DPYSL2: variants seen among roughly 807,000 people sequenced by gnomAD.
DPYSL2 encodes dihydropyrimidinase like 2, also known as dihydropyrimidinase-related protein 2.
A neutral mutation model predicts 69.9 loss-of-function variants in DPYSL2; 13 were observed. The ratio of observed to expected loss-of-function variants is 0.19; its 90% CI spans 0.12 to 0.30. The LOEUF (loss-of-function observed/expected upper bound fraction) is 0.30, where lower values mean the gene tolerates loss of function less well. DPYSL2 is among the 10% of genes least tolerant of loss of function. The pLI is 1.00. For missense variants in DPYSL2, 587 were observed against 918.9 expected (o/e 0.64, Z 4.67); for synonymous variants, 326 against 359.1 (o/e 0.91, Z 1.04).
At chr8:26,595,573 C>T (rs577892422) in intron 3 of DPYSL2, among the ~76,000 whole-genome samples, 9 of 152,304 alleles carry the variant, frequency 5.9e-5, no homozygotes, top group Admixed American at 2.0e-4. Flanking sequence ...TTGCATTCCT[C>T]GCTGAACCAG....
intron 1 of DPYSL2, among the ~76,000 whole-genome samples, chr8:26,524,230 T>C (rs1043947657): frequency 6.6e-6 from 1 of 152,152 alleles, no homozygotes; most frequent in African/African-American, 2.4e-5. Flanking sequence ...ATCATCCTAC[T>C]GAATGGGAGA....
At chr8:26,622,090 T>TTTCCTTCCTTCCTTCCTTCCTTCC (rs59707085) in intron 3 of DPYSL2, among the ~76,000 whole-genome samples, 1 of 64,374 alleles carries the variant, frequency 1.6e-5, no homozygotes, top group African/African-American at 6.0e-5. Flanking sequence ...TCTTTCTTTC[T>TTTCCTTCCTTCCTTCCTTCCTTCC]TTCCTTCCTT....
rs1286660782 is a variant in DPYSL2 at position 26,606,982 on chromosome 8, A to G, written c.629-17161A>G. Among the ~76,000 whole-genome samples, 6 of 152,240 alleles carry G rather than the reference A, an allele frequency of 3.9e-5. No homozygotes were observed. In the East Asian group the frequency reaches 1.2e-3, roughly 29 times the overall value. ...CTTTCTGGAGGGTAATAAGACAGAC[A>G]GTATCTAACAAGAGCTGTAAAAATG... On this transcript the variant is annotated intron_variant, in intron 3 of 13. Transcript: ENST00000521913.
chr8:26,531,614 G>A (rs1800512296), intron 1 of DPYSL2, among the ~76,000 whole-genome samples: 1 of 152,142 alleles, frequency 6.6e-6, no homozygotes, highest in Admixed American at 6.5e-5. Context: ...CAAATAGACA[G>A]AACCTCTGTT....
At chr8:26,578,518 A>C (rs74917054) in intron 1 of DPYSL2, 3 of 1,422,248 alleles carry the variant, frequency 2.1e-6, no homozygotes, top group South Asian at 3.1e-5. Flanking sequence ...GCGCGAGTGC[A>C]CGAAGGTAGC....
At chr8:26,527,230 CT>C (rs1554531711) in intron 1 of DPYSL2, among the ~76,000 whole-genome samples, 3 of 152,124 alleles carry the variant, frequency 2.0e-5, no homozygotes, top group Non-Finnish European at 2.9e-5. Context: ...CTTGGTGACT[CT>C]TTTTGTTTCT....
intron 1 of DPYSL2, among the ~76,000 whole-genome samples, chr8:26,569,201 A>T (rs948035499): frequency 1.3e-5 from 2 of 152,030 alleles, no homozygotes; most frequent in African/African-American, 4.8e-5. Context: ...CACAAAAGAT[A>T]AAAAGACTTA....
At position 26,549,901 on chromosome 8, in the gene DPYSL2, G is replaced by A. The variant is rs912327968; in HGVS notation, c.355-32068G>A. ...GAATTTGTCACTGGTGACATTGCAA[G>A]AAATGTTAAAAAAAAAATCTTCAGA... On this transcript the variant is annotated intron_variant, in intron 1 of 13. Coordinates refer to ENST00000521913, the MANE Select transcript of DPYSL2 (RefSeq NM_001197293.3). Among the ~76,000 whole-genome samples the A allele has an allele frequency of 9.9e-5, 15 of 151,684 alleles. No homozygotes were observed. In the East Asian group the frequency reaches 2.7e-3, roughly 27 times the overall value.
Position 26,587,361 on chromosome 8 carries a change from A to G in DPYSL2, c.628+3378A>G, listed in dbSNP as rs376954. Among the ~76,000 whole-genome samples, 76,690 of 151,380 alleles carry G rather than the reference A, an allele frequency of 0.51. 20,340 individuals carry two copies. Among genetic ancestry groups the G allele is most frequent in the African/African-American group, 0.67 (27,487 of 41,226 alleles). ...TCCCTCTTCCTCCCAACTCCCCGCC[A>G]CCCCGCCCCTGGGCACTCCACCCTC... is the stretch of plus-strand genomic sequence containing the variant. On this transcript the variant is annotated intron_variant, in intron 3 of 13. Transcript: ENST00000521913. The surrounding 1 kb of genome is among the most constrained non-coding windows in gnomAD (Gnocchi z 4.2).
chr8:26,530,520 G>A (rs529102411), intron 1 of DPYSL2, among the ~76,000 whole-genome samples: 46 of 152,362 alleles, frequency 3.0e-4, no homozygotes, highest in African/African-American at 9.9e-4. Flanking sequence ...AGAGAGAAAT[G>A]TGCAGACATT....
At chr8:26,622,506 ATT>A (rs57951590) in intron 3 of DPYSL2, among the ~76,000 whole-genome samples, 25 of 127,308 alleles carry the variant, frequency 2.0e-4, no homozygotes, top group Non-Finnish European at 3.5e-4. Context: ...GTATATATAT[ATT>A]TTTTTTTTTC....
chr8:26,602,671 TATTCATCC>T (rs1244368279), intron 3 of DPYSL2, among the ~76,000 whole-genome samples: 8 of 152,244 alleles, frequency 5.3e-5, no homozygotes, highest in Non-Finnish European at 8.8e-5. Flanking sequence ...TTTATTCATT[TATTCATCC>T]ATTCATCCAT....
intron 1 of DPYSL2, among the ~76,000 whole-genome samples, chr8:26,555,496 T>C (rs1800930098): frequency 6.6e-6 from 1 of 152,152 alleles, no homozygotes; most frequent in South Asian, 2.1e-4. Context: ...CATACTATTG[T>C]TTATGTTAAC....
At chr8:26,629,213 A>G (rs1338491299) in intron 7 of DPYSL2, among the ~76,000 whole-genome samples, 3 of 145,866 alleles carry the variant, frequency 2.1e-5, no homozygotes, top group Non-Finnish European at 4.4e-5. Flanking sequence ...ACACGCAGAC[A>G]GGTAGGCACA....
At position 26,514,850 on chromosome 8, in the gene DPYSL2, T is replaced by C. The variant is rs1808249500; in HGVS notation, c.354+171T>C. ...TTCTCCGCGCAGGGTGCGGCGAGGCTCGGGCTGGGCGGTGGGCGGCCGTGC... is the reference window on the plus strand; with the variant it reads ...TTCTCCGCGCAGGGTGCGGCGAGGCCCGGGCTGGGCGGTGGGCGGCCGTGC... On this transcript the variant is annotated intron_variant, in intron 1 of 13. Transcript: ENST00000521913. The surrounding 1 kb of genome is among the most constrained non-coding windows in gnomAD (Gnocchi z 8.4). Among the ~76,000 whole-genome samples, 1 of 152,034 alleles carries C rather than the reference T, an allele frequency of 6.6e-6. No individual in the cohort carries two copies. The highest frequency in any genetic ancestry group is 2.4e-5 in the African/African-American group (1 of 41,416).
At chr8:26,630,804 C>T (rs1441509962) in intron 7 of DPYSL2, among the ~76,000 whole-genome samples, 1 of 152,166 alleles carries the variant, frequency 6.6e-6, no homozygotes, top group East Asian at 1.9e-4. Flanking sequence ...AGTGCAGGGT[C>T]CTGCCTGCTA....
chr8:26,573,791 C>A (rs1376267699), intron 1 of DPYSL2, among the ~76,000 whole-genome samples: 1 of 136,596 alleles, frequency 7.3e-6, no homozygotes, highest in Non-Finnish European at 1.5e-5. Context: ...GAGCAAAGAT[C>A]ATGCAACTGC....
chr8:26,628,153 T>C (rs1161336110), intron 7 of DPYSL2, among the ~76,000 whole-genome samples: 1 of 152,238 alleles, frequency 6.6e-6, no homozygotes, highest in Non-Finnish European at 1.5e-5. Flanking sequence ...GTGGACTGTT[T>C]CGCCAGAAGA....
At chr8:26,535,800 C>T (rs1800582146) in intron 1 of DPYSL2, among the ~76,000 whole-genome samples, 2 of 151,944 alleles carry the variant, frequency 1.3e-5, no homozygotes, top group African/African-American at 4.8e-5. Flanking sequence ...GTGGCAACAA[C>T]AGAAACTCAT....
Sources: gnomAD v4.1 joint callset for allele counts (sites outside exome capture counted in the v4.1 genomes callset) on GRCh38, gnomAD v4.1.1 for gene constraint, Gnocchi (gnomAD v3.1) non-coding constraint, MANE v1.5 for transcripts, NCBI Gene and HGNC (gene_info 2026-07-23, HGNC 2026-07-21) for gene names.